The following MYO16 variants were observed in gnomAD, a reference collection of about 807,000 sequenced individuals.
MYO16 encodes the protein unconventional myosin-XVI.
MYO16 carries 94 observed loss-of-function variants against 205.3 expected under a neutral mutation model. The observed-to-expected ratio is 0.46, with a 90% CI of 0.39 to 0.54. The LOEUF (loss-of-function observed/expected upper bound fraction) is 0.54. Ranked by LOEUF, MYO16 falls within the 20% of genes least tolerant of loss-of-function variation. MYO16 has a pLI of 0.00. For synonymous variants in MYO16, 988 were observed against 954.0 expected (o/e 1.04, Z -0.66); for missense variants, 2,315 against 2,387.5 (o/e 0.97, Z 0.63).
chr13:109,008,850 A>T, intron 21 of MYO16, 47 bp from the exon 22 acceptor site: 1 of 1,541,488 alleles, frequency 6.5e-7, no homozygotes, highest in Non-Finnish European at 8.8e-7. Context: ...TTGTGTATGC[A>T]CTACTGTACT....
intron 32 of MYO16, among the ~76,000 whole-genome samples, chr13:109,146,743 C>T (rs1247664515): frequency 6.6e-6 from 1 of 151,710 alleles, no homozygotes; most frequent in African/African-American, 2.4e-5. Context: ...GCTACAGTGG[C>T]CGTGGTTGCT....
chr13:108,902,536 T>G (rs936044888), intron 15 of MYO16, among the ~76,000 whole-genome samples: 2 of 152,210 alleles, frequency 1.3e-5, no homozygotes, highest in African/African-American at 4.8e-5. Context: ...ATTAATTGTC[T>G]CACAGTTCTG....
intron 28 of MYO16, among the ~76,000 whole-genome samples, chr13:109,115,582 G>A (rs1481091944): frequency 6.6e-6 from 1 of 152,088 alleles, no homozygotes; most frequent in Non-Finnish European, 1.5e-5. Context: ...AATGAAAAAC[G>A]TAGGTGATCT....
At chr13:109,171,203 A>G (rs942758383) in intron 33 of MYO16, among the ~76,000 whole-genome samples, 2 of 152,248 alleles carry the variant, frequency 1.3e-5, no homozygotes, top group African/African-American at 4.8e-5. Context: ...TACAGAGGGC[A>G]GAGTCAGAAA....
At chr13:108,852,886 T>C (rs1486454724) in intron 10 of MYO16, among the ~76,000 whole-genome samples, 1 of 152,178 alleles carries the variant, frequency 6.6e-6, no homozygotes, top group East Asian at 1.9e-4. Context: ...GGTAGAAAAA[T>C]ATTCAAGAAC....
At chr13:109,174,113 G>T (rs2139900649) in intron 33 of MYO16, among the ~76,000 whole-genome samples, 1 of 151,934 alleles carries the variant, frequency 6.6e-6, no homozygotes, top group African/African-American at 2.4e-5. Context: ...GACTGTATTG[G>T]TGTAGGAGTC....
In MYO16 at chr13:108,975,949, A is replaced by G. The variant is rs138895792; in HGVS notation, c.2369+11047A>G. Among the ~76,000 whole-genome samples the G allele has an allele frequency of 1.3e-3, 203 of 152,278 alleles. 2 individuals carry two copies. Among genetic ancestry groups the G allele is most frequent in the Non-Finnish European group, 3.8e-4 (26 of 68,006 alleles). On this transcript the variant is annotated intron_variant, in intron 20 of 34. Coordinates refer to ENST00000457511, the MANE Select transcript of MYO16 (RefSeq NM_001198950.3). ...GATCAGTGGCTATTCATTACAAAGC[A>G]GAGACATATTAAAATTAAGTATTTT...
chr13:108,604,170 C>T (rs1417969125), intron 1 of MYO16, among the ~76,000 whole-genome samples: 1 of 152,014 alleles, frequency 6.6e-6, no homozygotes, highest in Non-Finnish European at 1.5e-5. Context: ...GATTAATCAC[C>T]CCCCATGAGG....
At position 109,012,554 on chromosome 13, in the gene MYO16, C is replaced by T. The variant is rs1175680657; in HGVS notation, c.2595+3505C>T. 2.6e-5 allele frequency among the ~76,000 whole-genome samples: 4 copies of T among 152,010 alleles called. No individual in the cohort carries two copies. The East Asian group carries it at 7.7e-4, about 29-fold the overall frequency. ...AATAAAGGGCACAATAAATGTAATG[C>T]ACTTGAATCATCCTGAAACCATCCC... is the stretch of plus-strand genomic sequence containing the variant. On this transcript the variant is annotated intron_variant, in intron 22 of 34. Transcript: ENST00000457511.
At chr13:109,107,810 C>T (rs927114231) in intron 28 of MYO16, among the ~76,000 whole-genome samples, 169 of 141,386 alleles carry the variant, frequency 1.2e-3, no homozygotes, top group Non-Finnish European at 2.2e-3. Context: ...CATATATATT[C>T]ATATTATATT....
At chr13:108,797,380 T>C (rs1484550381) in intron 6 of MYO16, among the ~76,000 whole-genome samples, 1 of 152,124 alleles carries the variant, frequency 6.6e-6, no homozygotes, top group African/African-American at 2.4e-5. Context: ...TCACTACTTG[T>C]ATGCAGAAGG....
intron 33 of MYO16, among the ~76,000 whole-genome samples, chr13:109,174,711 A>AC (rs969398517): frequency 3.6e-5 from 5 of 140,070 alleles, no homozygotes; most frequent in Non-Finnish European, 6.2e-5. Context: ...TCAGTGCCAT[A>AC]CCCCCCTTGA....
chr13:108,540,515 C>A, the MYO16 span, among the ~76,000 whole-genome samples: 1 of 152,008 alleles, frequency 6.6e-6, no homozygotes, highest in African/African-American at 2.4e-5. Context: ...ACTGATATTG[C>A]CTTTTCACAA....
the MYO16 span, among the ~76,000 whole-genome samples, chr13:108,577,439 G>A: frequency 1.8e-3 from 277 of 152,214 alleles, 2 homozygotes; most frequent in African/African-American, 6.1e-3. Context: ...CTCCAGCACC[G>A]GGCACCAGCA....
upstream of MYO16, among the ~76,000 whole-genome samples, chr13:108,592,750 G>GTGTA (rs999117929): frequency 1.3e-5 from 2 of 149,512 alleles, no homozygotes; most frequent in African/African-American, 4.9e-5. Flanking sequence ...GTGTGTGTGT[G>GTGTA]TATGTGTATG....
intron 12 of MYO16, among the ~76,000 whole-genome samples, chr13:108,869,587 C>A (rs946191566): frequency 1.3e-5 from 2 of 150,076 alleles, no homozygotes; most frequent in Admixed American, 1.3e-4. Context: ...AAAAGTTAGC[C>A]GGGCGTCGTG....
intron 34 of MYO16, among the ~76,000 whole-genome samples, chr13:109,196,040 G>A (rs1880138091): frequency 6.6e-6 from 1 of 152,112 alleles, no homozygotes; most frequent in South Asian, 2.1e-4. Context: ...TTAGTGTTTT[G>A]TAATGCCTGA....
chr13:108,778,245 A>C (rs574737503), intron 4 of MYO16, among the ~76,000 whole-genome samples: 1 of 152,180 alleles, frequency 6.6e-6, no homozygotes, highest in Non-Finnish European at 1.5e-5. Flanking sequence ...TCAGTGAACA[A>C]TGGGACATCT....
rs374945273 is a variant in MYO16 at position 109,084,356 on chromosome 13, A to G, written c.3336-16429A>G. ...CTCCTCCGTGTGAAAGAGCAGGTTG[A>G]TGACTTGATGATGACTTTGACCTCA... On this transcript the variant is annotated intron_variant, in intron 27 of 34. Coordinates refer to ENST00000457511, the MANE Select transcript of MYO16 (RefSeq NM_001198950.3). Among the ~76,000 whole-genome samples the G allele has an allele frequency of 2.4e-4, 24 of 100,468 alleles. No individual in the cohort carries two copies. The South Asian group carries it at 4.6e-3, about 19-fold the overall frequency. The allele number at this position is 100,468 out of a possible 152,430, so 65.9% of individuals were successfully genotyped here.
Sources: gnomAD v4.1 joint callset for allele counts (sites outside exome capture counted in the v4.1 genomes callset) on GRCh38, gnomAD v4.1.1 for gene constraint, MANE v1.5 for transcripts, NCBI Gene and HGNC (gene_info 2026-07-23, HGNC 2026-07-21) for gene names.